BAHCC1: variants seen among roughly 807,000 people sequenced by gnomAD.
BAHCC1 encodes BAH and coiled-coil domain-containing protein 1.
In BAHCC1, 43 loss-of-function variants were observed where a neutral mutation model predicts 88.2. The observed-to-expected ratio is 0.49, with a 90% CI of 0.38 to 0.63. The LOEUF (loss-of-function observed/expected upper bound fraction) is 0.63, where lower values mean the gene tolerates loss of function less well. Ranked by LOEUF, BAHCC1 falls within the 20% of genes least tolerant of loss-of-function variation. The probability of loss-of-function intolerance (pLI) is 0.00; values close to 1 mark genes in which losing one functional copy is unlikely to be tolerated. For missense variants in BAHCC1, 3,023 were observed against 1,654.8 expected (o/e 1.83, Z -14.34); for synonymous variants, 1,510 against 745.5 (o/e 2.03, Z -16.71).
chr17:81,465,116 G>A lies in BAHCC1; in HGVS notation c.*1299G>A, dbSNP rs1392618183. ...AGATGGTGGTGAGGCCAGGCCAGCAGTGCTGTGGCCAGGGGAGAAGAAAAT... is the reference window on the plus strand; with the variant it reads ...AGATGGTGGTGAGGCCAGGCCAGCAATGCTGTGGCCAGGGGAGAAGAAAAT... On this transcript the variant is annotated 3_prime_UTR_variant, in exon 28 of 28. Coordinates refer to ENST00000675386, the MANE Select transcript of BAHCC1 (RefSeq NM_001377448.1). The A allele has an allele frequency of 6.6e-6, 1 of 152,272 alleles. No individual in the cohort carries two copies. Among genetic ancestry groups the A allele is most frequent in the Non-Finnish European group, 1.5e-5 (1 of 68,060 alleles). The allele number at this position is 152,272 out of a possible 1,614,324, so 9.4% of individuals were successfully genotyped here.
intron 11 of BAHCC1, 32 bp from the exon 12 acceptor site, chr17:81,451,636 T>TA: frequency 1.3e-6 from 1 of 763,974 alleles, no homozygotes; most frequent in Non-Finnish European, 2.4e-6. Context: ...TGTGCCCAGT[T>TA]ATGCCCATGC....
intron 15 of BAHCC1, among the ~76,000 whole-genome samples, chr17:81,455,661 T>G (rs1298913969): frequency 6.6e-6 from 1 of 152,192 alleles, no homozygotes; most frequent in African/African-American, 2.4e-5. Flanking sequence ...ATGCCCAGGC[T>G]ACACTCTGCT....
rs114537964 is a variant in BAHCC1 at position 81,448,658 on chromosome 17, C to T, written c.3976+810C>T. Reference sequence around the variant, plus strand: ...TCTGGATGCATAAAGCTCACCACCGCGATGAAGAGAATGTTCTCGAACAGT... The same window carrying T: ...TCTGGATGCATAAAGCTCACCACCGTGATGAAGAGAATGTTCTCGAACAGT... On this transcript the variant is annotated intron_variant, in intron 11 of 27. Coordinates refer to ENST00000675386, the MANE Select transcript of BAHCC1 (RefSeq NM_001377448.1). Among the ~76,000 whole-genome samples the T allele has an allele frequency of 1.5e-3, 226 of 152,214 alleles. 2 individuals are homozygous for T. The highest frequency in any genetic ancestry group is 5.2e-3 in the African/African-American group (215 of 41,510).
In BAHCC1 at chr17:81,443,216, C is replaced by T; in HGVS notation, c.1867C>T (p.Leu623=). The T allele has an allele frequency of 1.3e-6, 1 of 779,410 alleles. No homozygotes were observed. The highest frequency in any genetic ancestry group is 2.4e-6 in the Non-Finnish European group (1 of 417,866). The allele number at this position is 779,410 out of a possible 1,614,324, so 48.3% of individuals were successfully genotyped here. ...LQQAALLPQE[L]PAPPDEVSAM... is the part of the protein sequence containing the mutation. ...GCAGGCGGCTCTTCTGCCCCAGGAACTGCCTGCGCCGCCGGACGAGGTCTC... is the reference window on the plus strand; with the variant it reads ...GCAGGCGGCTCTTCTGCCCCAGGAATTGCCTGCGCCGCCGGACGAGGTCTC... The change falls in exon 5 of 28, where the codon CTG becomes TTG. Residue 623 remains leucine, a synonymous_variant. Transcript: ENST00000675386.
intron 3 of BAHCC1, among the ~76,000 whole-genome samples, chr17:81,430,189 G>A (rs1360670707): frequency 1.2e-4 from 18 of 152,048 alleles, no homozygotes; most frequent in African/African-American, 4.3e-4. Context: ...TGGCCCTATT[G>A]TCAGCAGGCC....
In BAHCC1 at chr17:81,442,952, C is replaced by T. The variant is rs2064450942; in HGVS notation, c.1603C>T (p.Pro535Ser). 1.3e-6 allele frequency: 1 copy of T among 779,126 alleles called. No individual in the cohort carries two copies. The highest frequency in any genetic ancestry group is 2.4e-6 in the Non-Finnish European group (1 of 417,842). The allele number at this position is 779,126 out of a possible 1,614,324, so 48.3% of individuals were successfully genotyped here. ...KTVGKEAPAG[P>S]PGAQKVARIR... ...TGTTGGCAAGGAAGCCCCGGCCGGCCCCCCAGGGGCACAGAAGGTGGCCCG... is the reference window on the plus strand; with the variant it reads ...TGTTGGCAAGGAAGCCCCGGCCGGCTCCCCAGGGGCACAGAAGGTGGCCCG... Residue 535 changes from proline to serine, a missense_variant, in exon 5 of 28, where the codon CCC (proline) becomes TCC (serine). Physicochemically the swap from Pro to Ser is moderately conservative, Grantham distance 74. Transcript: ENST00000675386.
chr17:81,411,116 C>T lies in BAHCC1; in HGVS notation c.178+11199C>T, dbSNP rs376598890. ...GCTCCCTTGTTCTCAGTCCCGCAGC[C>T]GTCCTCTGCGTGAGTCCATTCATCA... On this transcript the variant is annotated intron_variant, in intron 2 of 27. Coordinates refer to ENST00000675386, the MANE Select transcript of BAHCC1 (RefSeq NM_001377448.1). This position sits in a 1 kb window ranked among gnomAD's most constrained non-coding sequence, Gnocchi z 6.2. 134 of 519,432 alleles carry T rather than the reference C, an allele frequency of 2.6e-4. No homozygotes were observed. Among genetic ancestry groups the T allele is most frequent in the South Asian group, 1.8e-3 (127 of 71,572 alleles). 32.2% of individuals were successfully genotyped at this position (519,432 alleles called of 1,614,324 possible). A position where few individuals can be genotyped will look rare whatever the true frequency, so the allele number is the denominator to read the frequency against.
chr17:81,424,614 GTGGT>G (rs2064152653), intron 2 of BAHCC1, among the ~76,000 whole-genome samples: 2 of 152,242 alleles, frequency 1.3e-5, no homozygotes, highest in African/African-American at 4.8e-5. Flanking sequence ...GTTGTTGAAT[GTGGT>G]TGGTAATGGT....
chr17:81,409,373 C>A (rs530961350), intron 2 of BAHCC1, among the ~76,000 whole-genome samples: 1 of 152,342 alleles, frequency 6.6e-6, no homozygotes, highest in East Asian at 1.9e-4. Flanking sequence ...CCCCCGAAGG[C>A]TGGAGCTGCG....
intron 3 of BAHCC1, among the ~76,000 whole-genome samples, chr17:81,427,704 C>T (rs1390437630): frequency 2.6e-5 from 4 of 152,212 alleles, no homozygotes; most frequent in Non-Finnish European, 4.4e-5. Flanking sequence ...CCCAACCCTA[C>T]AGCGTGGGAA....
At chr17:81,448,058 A>G (rs1555655064) in intron 11 of BAHCC1, among the ~76,000 whole-genome samples, 1 of 152,202 alleles carries the variant, frequency 6.6e-6, no homozygotes, top group Non-Finnish European at 1.5e-5. Flanking sequence ...TCTCCGTCCC[A>G]GGTGGGGCCC....
chr17:81,417,337 G>GCCCTCCAGAGTGTCT (rs1390418748), intron 2 of BAHCC1, among the ~76,000 whole-genome samples: 1 of 152,140 alleles, frequency 6.6e-6, no homozygotes, highest in Admixed American at 6.5e-5. Context: ...CCGCCCCACA[G>GCCCTCCAGAGTGTCT]CCCTCCAGAG....
chr17:81,442,164 C>T lies in BAHCC1; in HGVS notation c.815C>T (p.Ala272Val), dbSNP rs782222393. 8.8e-5 allele frequency: 57 copies of T among 651,048 alleles called. No individual in the cohort carries two copies. Among genetic ancestry groups the T allele is most frequent in the Non-Finnish European group, 1.4e-4 (50 of 361,096 alleles). 40.3% of individuals were successfully genotyped at this position (651,048 alleles called of 1,614,324 possible). ...GAGGGCGGCCCCGCACCCCGAGGGG[C>T]CTGCGAGGGCCGCCCCAAGCACCTC... ...CREGGPAPRGACEGRPKHLTS... is the reference protein window; with the variant it reads ...CREGGPAPRGVCEGRPKHLTS... Residue 272 changes from alanine (A) to valine (V), a missense_variant, in exon 5 of 28, where the codon GCC (alanine) becomes GTC (valine). Physicochemically the swap from Ala to Val is moderately conservative, Grantham distance 64. Coordinates refer to ENST00000675386, the MANE Select transcript of BAHCC1 (RefSeq NM_001377448.1).
chr17:81,448,047 C>T (rs2064566873), intron 11 of BAHCC1, among the ~76,000 whole-genome samples, 199 bp downstream of exon 11: 1 of 152,250 alleles, frequency 6.6e-6, no homozygotes, highest in Non-Finnish European at 1.5e-5. Context: ...ATCTCCGAAT[C>T]TCTCCGTCCC....
intron 14 of BAHCC1, among the ~76,000 whole-genome samples, 162 bp from the exon 15 acceptor site, chr17:81,455,105 G>T (rs1468646368): frequency 6.6e-6 from 1 of 152,192 alleles, no homozygotes; most frequent in Non-Finnish European, 1.5e-5. Context: ...GTCAGAGCTG[G>T]CTCGGCCCCC....
At chr17:81,450,899 C>A (rs1291445431) in intron 11 of BAHCC1, among the ~76,000 whole-genome samples, 1 of 152,210 alleles carries the variant, frequency 6.6e-6, no homozygotes, top group African/African-American at 2.4e-5. Flanking sequence ...TAAAGCGAGA[C>A]CCTGTCTCAA....
intron 3 of BAHCC1, among the ~76,000 whole-genome samples, chr17:81,429,987 G>A (rs1401780791): frequency 1.3e-5 from 2 of 152,220 alleles, no homozygotes; most frequent in African/African-American, 4.8e-5. Context: ...CATCTGGCCT[G>A]GGCAGAGCCT....
chr17:81,427,036 G>T, intron 3 of BAHCC1, 57 bp downstream of exon 3: 1 of 398,502 alleles, frequency 2.5e-6, no homozygotes. Context: ...ACTGACCCTG[G>T]TGCCCGGGCC....
chr17:81,409,604 C>T (rs2063923599), intron 2 of BAHCC1, among the ~76,000 whole-genome samples: 1 of 152,200 alleles, frequency 6.6e-6, no homozygotes, highest in African/African-American at 2.4e-5. Flanking sequence ...GTGGCTTCAT[C>T]TGGGTCATAG....
Sources: allele counts gnomAD v4.1 joint callset (sites outside exome capture counted in the v4.1 genomes callset), GRCh38; gene constraint gnomAD v4.1.1; non-coding constraint Gnocchi (gnomAD v3.1); transcripts MANE v1.5; gene names NCBI Gene and HGNC (gene_info 2026-07-23, HGNC 2026-07-21).